VSIG10L2: variants seen among roughly 807,000 people sequenced by gnomAD.
VSIG10L2 encodes the protein V-set and immunoglobulin domain containing 10 like 2, also known as V-set and immunoglobulin domain-containing protein 10-like 2.
VSIG10L2 carries 56 observed loss-of-function variants against 67.1 expected under a neutral mutation model. The ratio of observed to expected loss-of-function variants is 0.83; its 90% CI spans 0.67 to 1.04. VSIG10L2 has a LOEUF of 1.04. Among genes scored for constraint, VSIG10L2 ranks in the 50% least tolerant of loss-of-function variants. VSIG10L2 has a pLI of 0.00. For synonymous variants in VSIG10L2, 360 were observed against 396.6 expected (o/e 0.91, Z 1.10); for missense variants, 843 against 932.8 (o/e 0.90, Z 1.25).
chr11:125,950,261 C>A lies in VSIG10L2; in HGVS notation c.957C>A (p.Thr319=). 8.1e-7 allele frequency: 1 copy of A among 1,232,484 alleles called. No homozygotes were observed. Among genetic ancestry groups the A allele is most frequent in the Non-Finnish European group, 1.0e-6 (1 of 988,206 alleles). The allele number at this position is 1,232,484 out of a possible 1,614,324, so 76.3% of individuals were successfully genotyped here. A position where few individuals can be genotyped will look rare whatever the true frequency, so the allele number is the denominator to read the frequency against. ...GCAACAGCTACCTGGACACCCGCAC[C>A]CAGACTACTGTCCAGCTCACCATCT... The part of the protein sequence containing the change: ...LARNSYLDTR[T]QTTVQLTIYY... The change falls in exon 4 of 12, where the codon ACC becomes ACA. Residue 319 remains threonine, a synonymous_variant. Transcript: ENST00000686984.
intron 10 of VSIG10L2, 39 bp from the exon 11 acceptor site, chr11:125,955,567 CGAGGGAAGT>C: frequency 6.8e-7 from 1 of 1,459,970 alleles, no homozygotes. Flanking sequence ...GAAAGGAAAG[CGAGGGAAGT>C]GAGTTGCCAC....
chr11:125,952,287 T>C lies in VSIG10L2; in HGVS notation c.1495+214T>C, dbSNP rs547763863. Among the ~76,000 whole-genome samples, 5 of 152,306 alleles carry C rather than the reference T, an allele frequency of 3.3e-5. No individual in the cohort carries two copies. In the South Asian group the frequency reaches 1.0e-3, roughly 32 times the overall value. On this transcript the variant is annotated intron_variant, in intron 6 of 11. Coordinates refer to ENST00000686984, the MANE Select transcript of VSIG10L2 (RefSeq NM_001365077.2). ...GGGGTTAGGCTAGGTCAGAGTTGTG[T>C]AATAAAAATATAATGTGAGCCATAT... is the stretch of plus-strand genomic sequence containing the variant.
At chr11:125,954,519 C>T (rs1945424155) in intron 8 of VSIG10L2, 136 bp downstream of exon 8, 1 of 675,922 alleles carries the variant, frequency 1.5e-6, no homozygotes, top group Admixed American at 4.3e-5. Flanking sequence ...CCAGCCCGTC[C>T]TCCTCTCTCT....
chr11:125,950,233 C>T lies in VSIG10L2; in HGVS notation c.929C>T (p.Ala310Val), dbSNP rs1565476423. Residue 310 changes from alanine to valine, a missense_variant, in exon 4 of 12, where the codon GCC (alanine) becomes GTC (valine). This residue lies in a region of VSIG10L2 where 446 missense variants were observed against 548.4 expected (regional missense o/e 0.81). Coordinates refer to ENST00000686984, the MANE Select transcript of VSIG10L2 (RefSeq NM_001365077.2). ...CACACAGGCCTGTACACCTGCCTGG[C>T]CCGCAACAGCTACCTGGACACCCGC... ...RVHTGLYTCL[A>V]RNSYLDTRTQ... is the part of the protein sequence containing the mutation. The T allele has an allele frequency of 8.1e-7, 1 of 1,232,492 alleles. No individual in the cohort carries two copies. Among genetic ancestry groups the T allele is most frequent in the East Asian group, 3.2e-5 (1 of 31,696 alleles). The allele number at this position is 1,232,492 out of a possible 1,614,324, so 76.3% of individuals were successfully genotyped here.
At position 125,948,509 on chromosome 11, in the gene VSIG10L2, G is replaced by A. The variant is rs1470024027; in HGVS notation, c.638G>A (p.Gly213Glu). The change falls in exon 3 of 12, where the codon GGG becomes GAG. Residue 213 changes from glycine (G) to glutamate (E), a missense_variant. Coordinates refer to ENST00000686984, the MANE Select transcript of VSIG10L2 (RefSeq NM_001365077.2). The part of the protein sequence containing the change: ...QLDPVNRTHL[G>E]WYMCSASNSV... ...GACCCTGTCAACCGGACACACCTAGGGTGGTACATGTGCAGCGCCAGCAAC... is the reference window on the plus strand; with the variant it reads ...GACCCTGTCAACCGGACACACCTAGAGTGGTACATGTGCAGCGCCAGCAAC... 13 of 1,232,140 alleles carry A rather than the reference G, an allele frequency of 1.1e-5. No individual in the cohort carries two copies. Among genetic ancestry groups the A allele is most frequent in the Non-Finnish European group, 1.3e-5 (13 of 988,048 alleles). 76.3% of individuals were successfully genotyped at this position (1,232,140 alleles called of 1,614,324 possible).
In VSIG10L2 at chr11:125,947,685, G is replaced by A; in HGVS notation, c.83-1G>A. 1 of 1,232,300 alleles carries A rather than the reference G, an allele frequency of 8.1e-7. No homozygotes were observed. Among genetic ancestry groups the A allele is most frequent in the Non-Finnish European group, 1.0e-6 (1 of 988,200 alleles). The allele number at this position is 1,232,300 out of a possible 1,614,324, so 76.3% of individuals were successfully genotyped here. ...TCCTGCTATGCCCCTTCTCTCCCCA[G>A]GCCAGCCCCACCCGACCCCCGAGGC... is the stretch of plus-strand genomic sequence containing the variant. On this transcript the variant is annotated splice_acceptor_variant, in intron 1 of 11. Coordinates refer to ENST00000686984, the MANE Select transcript of VSIG10L2 (RefSeq NM_001365077.2). LOFTEE classifies it high-confidence loss of function.
Position 125,953,484 on chromosome 11 carries a change from G to C in VSIG10L2, c.1580G>C (p.Gly527Ala). 1 of 1,232,320 alleles carries C rather than the reference G, an allele frequency of 8.1e-7. No homozygotes were observed. Among genetic ancestry groups the C allele is most frequent in the Non-Finnish European group, 1.0e-6 (1 of 988,120 alleles). 76.3% of individuals were successfully genotyped at this position (1,232,320 alleles called of 1,614,324 possible). The change falls in exon 7 of 12, where the codon GGC becomes GCC. Residue 527 changes from glycine (G) to alanine (A), a missense_variant. Coordinates refer to ENST00000686984, the MANE Select transcript of VSIG10L2 (RefSeq NM_001365077.2). Reference protein sequence around the residue: ...EAWLECSLRGGTPPAQLLWLG... With the variant: ...EAWLECSLRGATPPAQLLWLG... ...TGGCTGGAGTGCTCTCTCCGCGGGG[G>C]CACACCACCTGCCCAGCTCCTCTGG...
At chr11:125,948,859 C>G (rs10893450) in intron 3 of VSIG10L2, among the ~76,000 whole-genome samples, 38,547 of 152,226 alleles carry the variant, frequency 0.25, 5,291 homozygotes, top group Non-Finnish European at 0.3. Flanking sequence ...CACTGGCGGC[C>G]TGGAGAGTCT....
rs995854328 is a variant in VSIG10L2, at chr11:125,951,036, C to T, written c.1112C>T (p.Pro371Leu). ...LQWEGPQGPGPTAPSNVTWSH... is the reference protein window; with the variant it reads ...LQWEGPQGPGLTAPSNVTWSH... ...TGGGAAGGGCCTCAGGGACCTGGCC[C>T]TACTGCCCCCAGCAACGTCACCTGG... Residue 371 changes from proline to leucine, a missense_variant, in exon 5 of 12, where the codon CCT becomes CTT. Around this residue, in one of 2 missense-constraint regions of VSIG10L2, gnomAD observed 446 missense variants for 548.4 expected, o/e 0.81. Transcript: ENST00000686984. The T allele has an allele frequency of 1.9e-5, 23 of 1,232,328 alleles. No individual in the cohort carries two copies. The highest frequency in any genetic ancestry group is 2.3e-5 in the Non-Finnish European group (23 of 988,218). 76.3% of individuals were successfully genotyped at this position (1,232,328 alleles called of 1,614,324 possible).
chr11:125,951,727 G>A (rs987567770), intron 5 of VSIG10L2, 86 bp from the exon 6 acceptor site: 12 of 1,335,598 alleles, frequency 9.0e-6, no homozygotes, highest in Non-Finnish European at 1.2e-5. Flanking sequence ...AGGGAGTGAA[G>A]GAACCAATGA....
At chr11:125,951,184 G>A in intron 5 of VSIG10L2, 26 bp downstream of exon 5, 1 of 1,232,756 alleles carries the variant, frequency 8.1e-7, no homozygotes, top group Non-Finnish European at 1.0e-6. Flanking sequence ...AAACCCCAGG[G>A]CTCTGACATT....
Position 125,952,012 on chromosome 11 carries a change from G to C in VSIG10L2, c.1434G>C (p.Glu478Asp), listed in dbSNP as rs937611449. The change falls in exon 6 of 12, where the codon GAG becomes GAC. Residue 478 changes from glutamate to aspartate, a missense_variant. Glu to Asp is a conservative substitution (Grantham distance 45). Transcript: ENST00000686984. The stretch of plus-strand genomic sequence containing the variant: ...CCCAAGAAGATCTGGCTGGCAGAGA[G>C]TTCACCTGCCGGGGCACTCACCTGC... ...LQAQEDLAGR[E>D]FTCRGTHLLR... is the part of the protein sequence containing the mutation. 3.3e-6 allele frequency: 5 copies of C among 1,536,038 alleles called. No individual in the cohort carries two copies. In the African/African-American group the frequency reaches 6.8e-5, roughly 21 times the overall value.
chr11:125,951,738 A>G, intron 5 of VSIG10L2, 75 bp from the exon 6 acceptor site: 1 of 1,388,284 alleles, frequency 7.2e-7, no homozygotes, highest in Non-Finnish European at 9.4e-7. Flanking sequence ...GAACCAATGA[A>G]GGAAGGGGGA....
At chr11:125,952,671 C>T (rs1040264553) in intron 6 of VSIG10L2, among the ~76,000 whole-genome samples, 18 of 152,338 alleles carry the variant, frequency 1.2e-4, no homozygotes, top group African/African-American at 3.4e-4. Context: ...AGTTCTCTAC[C>T]TCTCTTACTC....
rs1945359966 is a variant in VSIG10L2, at chr11:125,950,981, C to A, written c.1057C>A (p.Pro353Thr). Residue 353 changes from proline (P) to threonine (T), a missense_variant, in exon 5 of 12, where the codon CCT (proline) becomes ACT (threonine). Coordinates refer to ENST00000686984, the MANE Select transcript of VSIG10L2 (RefSeq NM_001365077.2). ...PEAVTLLCAW[P>T]GGLPPAQLQW... is the part of the protein sequence containing the mutation. ...GGCTGTGACCCTGCTCTGTGCCTGG[C>A]CTGGGGGGCTTCCGCCTGCCCAACT... The A allele has an allele frequency of 1.6e-6, 2 of 1,232,332 alleles. No individual in the cohort carries two copies. Among genetic ancestry groups the A allele is most frequent in the Admixed American group, 4.2e-5 (1 of 23,710 alleles). The allele number at this position is 1,232,332 out of a possible 1,614,324, so 76.3% of individuals were successfully genotyped here. A position where few individuals can be genotyped will look rare whatever the true frequency, so the allele number is the denominator to read the frequency against.
intron 7 of VSIG10L2, 54 bp downstream of exon 7, chr11:125,953,744 C>A: frequency 1.6e-6 from 2 of 1,227,602 alleles, no homozygotes; most frequent in Non-Finnish European, 2.0e-6. Flanking sequence ...GGGAGACCAA[C>A]AGCCACAGAG....
intron 2 of VSIG10L2, 113 bp from the exon 3 acceptor site, chr11:125,948,192 G>T: frequency 8.1e-7 from 1 of 1,231,518 alleles, no homozygotes; most frequent in Non-Finnish European, 1.0e-6. Flanking sequence ...GGAAGGGATG[G>T]TCAGGGTGGG....
rs533488593 is a variant in VSIG10L2 at position 125,948,638 on chromosome 11, C to T, written c.709+58C>T. 5.7e-6 allele frequency: 7 copies of T among 1,228,652 alleles called. No individual in the cohort carries two copies. The African/African-American group carries it at 1.1e-4, about 19-fold the overall frequency. 76.1% of individuals were successfully genotyped at this position (1,228,652 alleles called of 1,614,324 possible). ...GCTGACACCCATCTCCCCATCCACACTCAGCCTTCCACACCTCAGAACTCC... is the reference window on the plus strand; with the variant it reads ...GCTGACACCCATCTCCCCATCCACATTCAGCCTTCCACACCTCAGAACTCC... On this transcript the variant is annotated intron_variant, in intron 3 of 11. Coordinates refer to ENST00000686984, the MANE Select transcript of VSIG10L2 (RefSeq NM_001365077.2).
intron 4 of VSIG10L2, 58 bp downstream of exon 4, chr11:125,950,347 C>A (rs1945351600): frequency 1.1e-5 from 14 of 1,230,736 alleles, no homozygotes; most frequent in Non-Finnish European, 1.4e-5. Flanking sequence ...CACGCTGGAG[C>A]CTTTGTGGGG....
Sources: gnomAD v4.1 joint callset for allele counts (sites outside exome capture counted in the v4.1 genomes callset) on GRCh38, gnomAD v4.1.1 for gene constraint, gnomAD v4.1.1 regional missense constraint, MANE v1.5 for transcripts, NCBI Gene and HGNC (gene_info 2026-07-23, HGNC 2026-07-21) for gene names.